Variants in ME1 observed in about 807,000 individuals in gnomAD.
The protein encoded by ME1 is NADP-dependent malic enzyme.
In ME1, 74 loss-of-function variants were observed where a neutral mutation model predicts 66.4. The observed-to-expected ratio is 1.11, with a 90% CI of 0.92 to 1.35. The LOEUF is 1.35. Ranked by LOEUF, ME1 falls within the 40% of genes most tolerant of loss-of-function variation. ME1 has a pLI of 0.00. For synonymous variants in ME1, 251 were observed against 235.6 expected (o/e 1.07, Z -0.60); for missense variants, 750 against 694.1 (o/e 1.08, Z -0.90).
chr6:83,243,436 T>C (rs1790545808), intron 7 of ME1, among the ~76,000 whole-genome samples: 1 of 127,578 alleles, frequency 7.8e-6, no homozygotes, highest in Non-Finnish European at 1.6e-5. Context: ...TATATTTATA[T>C]AATATATTAT....
intron 3 of ME1, among the ~76,000 whole-genome samples, chr6:83,368,512 A>G (rs932567553): frequency 1.3e-5 from 2 of 152,196 alleles, no homozygotes; most frequent in African/African-American, 2.4e-5. Context: ...ATTAACTATA[A>G]ATTACATTAC....
intron 6 of ME1, among the ~76,000 whole-genome samples, chr6:83,298,644 C>T (rs1767649093): frequency 6.6e-6 from 1 of 152,010 alleles, no homozygotes; most frequent in Admixed American, 6.6e-5. Flanking sequence ...TTTGTCCATG[C>T]CTATGTCTTG....
intron 7 of ME1, among the ~76,000 whole-genome samples, chr6:83,252,250 G>A (rs375460607): frequency 6.6e-6 from 1 of 151,956 alleles, no homozygotes; most frequent in African/African-American, 2.4e-5. Context: ...TATCCAGCAG[G>A]AGTTCTGTTG....
chr6:83,371,855 T>C (rs191285514), intron 3 of ME1, among the ~76,000 whole-genome samples: 1 of 152,196 alleles, frequency 6.6e-6, no homozygotes, highest in Non-Finnish European at 1.5e-5. Flanking sequence ...TGTACTATTA[T>C]CATATCAATA....
chr6:83,293,538 T>C (rs1485149354), intron 6 of ME1, among the ~76,000 whole-genome samples: 1 of 152,182 alleles, frequency 6.6e-6, no homozygotes, highest in East Asian at 1.9e-4. Flanking sequence ...GGCAAAATTT[T>C]ATTTAGGTAT....
chr6:83,426,543 A>T (rs1393677815), intron 1 of ME1, among the ~76,000 whole-genome samples: 1 of 152,236 alleles, frequency 6.6e-6, no homozygotes, highest in African/African-American at 2.4e-5. Context: ...TGAATAATTC[A>T]TTCAGGTCTA....
At chr6:83,408,433 A>G (rs1417445797) in intron 1 of ME1, among the ~76,000 whole-genome samples, 1 of 152,142 alleles carries the variant, frequency 6.6e-6, no homozygotes, top group African/African-American at 2.4e-5. Flanking sequence ...GTCCATACAT[A>G]CCACACCCTT....
At chr6:83,411,693 TCTAA>T (rs1770051449) in intron 1 of ME1, among the ~76,000 whole-genome samples, 1 of 152,200 alleles carries the variant, frequency 6.6e-6, no homozygotes, top group Admixed American at 6.5e-5. Flanking sequence ...ACATGCAGGT[TCTAA>T]CTGTCATTTG....
At chr6:83,227,567 C>T (rs1790222465) in intron 10 of ME1, 90 bp from the exon 11 acceptor site, 3 of 1,127,894 alleles carry the variant, frequency 2.7e-6, no homozygotes, top group Non-Finnish European at 3.7e-6. Context: ...TATCTATCAG[C>T]TCATTTTCTA....
At chr6:83,312,479 G>A (rs1380240931) in intron 6 of ME1, among the ~76,000 whole-genome samples, 1 of 152,098 alleles carries the variant, frequency 6.6e-6, no homozygotes, top group African/African-American at 2.4e-5. Context: ...AAGACCGAGA[G>A]GAAGAATTTG....
chr6:83,398,246 T>C, intron 3 of ME1, 121 bp downstream of exon 3: 2 of 683,066 alleles, frequency 2.9e-6, no homozygotes, highest in Non-Finnish European at 4.7e-6. Context: ...CCTCTGTACA[T>C]CATAAATATA....
chr6:83,223,885 G>A lies in ME1; in HGVS notation c.1324C>T (p.Pro442Ser). 6.2e-7 allele frequency: 1 copy of A among 1,614,034 alleles called. No homozygotes were observed. The highest frequency in any genetic ancestry group is 8.5e-7 in the Non-Finnish European group (1 of 1,179,952). ...CCAGGATATAGGGTCTGTCCATTTG[G>A]AAGAGTGACTGGATCAAAAGGACTG... is the stretch of plus-strand genomic sequence containing the variant. ...SGSPFDPVTLPNGQTLYPGQG... is the reference protein window; with the variant it reads ...SGSPFDPVTLSNGQTLYPGQG... The change falls in exon 12 of 14, where the codon CCA becomes TCA. Residue 442 changes from proline to serine, a missense_variant. Coordinates refer to ENST00000369705, the MANE Select transcript of ME1 (RefSeq NM_002395.6).
At chr6:83,405,434 A>G (rs942778485) in intron 2 of ME1, among the ~76,000 whole-genome samples, 17 of 152,060 alleles carry the variant, frequency 1.1e-4, no homozygotes, top group Non-Finnish European at 1.9e-4. Flanking sequence ...TCTAAATATA[A>G]AATCATGTCA....
At chr6:83,274,419 T>C (rs1305927636) in intron 6 of ME1, among the ~76,000 whole-genome samples, 1 of 152,174 alleles carries the variant, frequency 6.6e-6, no homozygotes, top group African/African-American at 2.4e-5. Flanking sequence ...TAATTTCTCT[T>C]TATGCAAACA....
chr6:83,239,516 T>C (rs1790472967), intron 8 of ME1, 23 bp downstream of exon 8: 1 of 1,489,050 alleles, frequency 6.7e-7, no homozygotes, highest in Non-Finnish European at 9.3e-7. Context: ...TAGGAGAACA[T>C]AAGTATTACA....
At chr6:83,265,767 A>G (rs1766977667) in intron 6 of ME1, among the ~76,000 whole-genome samples, 2 of 152,200 alleles carry the variant, frequency 1.3e-5, no homozygotes, top group African/African-American at 2.4e-5. Context: ...CTTTCAGACC[A>G]TATATTTATG....
intron 6 of ME1, among the ~76,000 whole-genome samples, chr6:83,308,477 TAA>T (rs5877840): frequency 1.0e-4 from 14 of 137,416 alleles, no homozygotes; most frequent in Non-Finnish European, 9.4e-5. Flanking sequence ...ACTGATTCTG[TAA>T]AAAAAAAAAA....
chr6:83,394,558 G>A lies in ME1; in HGVS notation c.362+3809C>T, dbSNP rs116221213. Among the ~76,000 whole-genome samples, 997 of 152,216 alleles carry A rather than the reference G, an allele frequency of 6.5e-3. 11 individuals carry two copies. Among genetic ancestry groups the A allele is most frequent in the African/African-American group, 0.023 (943 of 41,530 alleles). ...TTCTTTATACAAAGGGTAATGCAGC[G>A]CAGTATGATAAATATTACCACTATA... On this transcript the variant is annotated intron_variant, in intron 3 of 13. Transcript: ENST00000369705.
At chr6:83,279,887 A>C (rs1767257473) in intron 6 of ME1, among the ~76,000 whole-genome samples, 1 of 152,194 alleles carries the variant, frequency 6.6e-6, no homozygotes, top group African/African-American at 2.4e-5. Flanking sequence ...GTTTGAAGAA[A>C]ACTATCTCCA....
Sources: allele counts gnomAD v4.1 joint callset (sites outside exome capture counted in the v4.1 genomes callset), GRCh38; gene constraint gnomAD v4.1.1; transcripts MANE v1.5; gene names NCBI Gene and HGNC (gene_info 2026-07-23, HGNC 2026-07-21).